L3MBTL4: variants seen among roughly 807,000 people sequenced by gnomAD.
The protein encoded by L3MBTL4 is L3MBTL histone methyl-lysine binding protein 4, also known as lethal(3)malignant brain tumor-like protein 4.
A neutral mutation model predicts 84.5 loss-of-function variants in L3MBTL4; 70 were observed. The observed-to-expected ratio is 0.83, with a 90% CI of 0.68 to 1.01. The LOEUF is 1.01. L3MBTL4 is among the 50% of genes least tolerant of loss of function. L3MBTL4 has a pLI of 0.00. For missense variants in L3MBTL4, 715 were observed against 754.8 expected (o/e 0.95, Z 0.62); for synonymous variants, 274 against 259.8 (o/e 1.05, Z -0.52).
rs754288404 is a variant in L3MBTL4, at chr18:6,239,779, C to T, written c.646G>A (p.Asp216Asn). ...ACTAGTAAGCGATCTTCAACAATAT[C>T]TGCTATGGTCGCCACACACACCAAG... ...PSLVCVATIA[D>N]IVEDRLLVHF... Residue 216 changes from aspartate to asparagine, a missense_variant, in exon 9 of 19, where the codon GAT (aspartate) becomes AAT (asparagine). Physicochemically the swap from Asp to Asn is conservative, Grantham distance 23. Coordinates refer to ENST00000317931, the MANE Select transcript of L3MBTL4 (RefSeq NM_001330559.2). 4 of 1,614,178 alleles carry T rather than the reference C, an allele frequency of 2.5e-6. No individual in the cohort carries two copies. Among genetic ancestry groups the T allele is most frequent in the Non-Finnish European group, 3.4e-6 (4 of 1,180,012 alleles).
chr18:6,004,357 G>T (rs585044), intron 16 of L3MBTL4, among the ~76,000 whole-genome samples: 77 of 152,192 alleles, frequency 5.1e-4, no homozygotes, highest in African/African-American at 1.8e-3. Context: ...TGGACCTATA[G>T]CTAGTTAGGA....
intron 13 of L3MBTL4, 77 bp downstream of exon 13, chr18:6,171,751 T>C: frequency 2.6e-6 from 2 of 778,632 alleles, no homozygotes; most frequent in South Asian, 1.8e-5. Flanking sequence ...ATGCCTGTAA[T>C]GGCATGAATA....
chr18:6,002,554 G>A (rs2054258294), intron 16 of L3MBTL4, among the ~76,000 whole-genome samples: 1 of 152,100 alleles, frequency 6.6e-6, no homozygotes, highest in African/African-American at 2.4e-5. Flanking sequence ...AAAGTAGTGA[G>A]AATGGAGCTA....
intron 12 of L3MBTL4, among the ~76,000 whole-genome samples, chr18:6,211,935 C>T (rs981268137): frequency 7.2e-5 from 11 of 152,198 alleles, no homozygotes; most frequent in African/African-American, 2.4e-4. Flanking sequence ...AGGCGTGAAC[C>T]ACTGTGCCCG....
chr18:6,112,985 G>A (rs1334062442), intron 14 of L3MBTL4, among the ~76,000 whole-genome samples: 1 of 152,108 alleles, frequency 6.6e-6, no homozygotes, highest in Non-Finnish European at 1.5e-5. Flanking sequence ...GAATGCACAT[G>A]GTAAGTGATG....
At chr18:6,176,107 T>C (rs2044214682) in intron 12 of L3MBTL4, among the ~76,000 whole-genome samples, 1 of 152,150 alleles carries the variant, frequency 6.6e-6, no homozygotes, top group Non-Finnish European at 1.5e-5. Flanking sequence ...CTCAATATTA[T>C]TATTGATATG....
chr18:6,186,567 G>C (rs2044776275), intron 12 of L3MBTL4, among the ~76,000 whole-genome samples: 1 of 152,192 alleles, frequency 6.6e-6, no homozygotes, highest in South Asian at 2.1e-4. Context: ...GACACAGTAA[G>C]CATGGGAAAG....
intron 16 of L3MBTL4, chr18:6,032,392 A>C (rs1228497580): frequency 1.7e-6 from 1 of 589,854 alleles, no homozygotes; most frequent in Non-Finnish European, 2.1e-6. Context: ...TGTTACACAC[A>C]CACACACACA....
At chr18:6,005,623 G>A (rs1457125365) in intron 16 of L3MBTL4, among the ~76,000 whole-genome samples, 2 of 152,168 alleles carry the variant, frequency 1.3e-5, no homozygotes, top group South Asian at 2.1e-4. Context: ...GTTCACTTAA[G>A]ATAATGGTGT....
Position 6,241,708 on chromosome 18 carries a change from T to C in L3MBTL4, c.461-259A>G, listed in dbSNP as rs543217239. ...TAAAATGTATTATGTGCAAAACTGTTGATAGTGCTTCCCCATCACGCGCAT... is the reference window on the plus strand; with the variant it reads ...TAAAATGTATTATGTGCAAAACTGTCGATAGTGCTTCCCCATCACGCGCAT... On this transcript the variant is annotated intron_variant, in intron 7 of 18. Transcript: ENST00000317931. Among the ~76,000 whole-genome samples, 4 of 152,312 alleles carry C rather than the reference T, an allele frequency of 2.6e-5. No individual in the cohort carries two copies. In the South Asian group the frequency reaches 8.3e-4, roughly 32 times the overall value.
intron 1 of L3MBTL4, among the ~76,000 whole-genome samples, chr18:6,343,658 T>C (rs1385970652): frequency 1.8e-5 from 2 of 108,344 alleles, no homozygotes; most frequent in African/African-American, 4.3e-5. Context: ...CGAGACACCA[T>C]ATCAAAAAAA....
At chr18:5,992,006 C>T (rs2053721058) in intron 16 of L3MBTL4, among the ~76,000 whole-genome samples, 1 of 151,870 alleles carries the variant, frequency 6.6e-6, no homozygotes, top group South Asian at 2.1e-4. Context: ...ATCCATCCAT[C>T]CATCCATCCA....
chr18:6,325,607 G>C (rs2051676157), intron 1 of L3MBTL4, among the ~76,000 whole-genome samples: 1 of 152,160 alleles, frequency 6.6e-6, no homozygotes. Flanking sequence ...ATACAGTAAA[G>C]ATTTTTTGAA....
chr18:6,126,790 GGGTAATTAATC>G, intron 14 of L3MBTL4, among the ~76,000 whole-genome samples: 1 of 152,152 alleles, frequency 6.6e-6, no homozygotes, highest in East Asian at 1.9e-4. Flanking sequence ...TTACTAAATT[GGGTAATTAATC>G]ATGTCACTTT....
rs562356987 is a variant in L3MBTL4 at position 6,103,991 on chromosome 18, T to A, written c.1200-10463A>T. On this transcript the variant is annotated intron_variant, in intron 14 of 18. Coordinates refer to ENST00000317931, the MANE Select transcript of L3MBTL4 (RefSeq NM_001330559.2). The stretch of plus-strand genomic sequence containing the variant: ...GCCCTCCCCACAACAAGCCATGCTC[T>A]GCGGAGTCCTGTGGGGCACTGCAAA... Among the ~76,000 whole-genome samples, 6 of 152,334 alleles carry A rather than the reference T, an allele frequency of 3.9e-5. No individual in the cohort carries two copies. In the South Asian group the frequency reaches 1.0e-3, roughly 26 times the overall value.
At chr18:6,403,300 C>T (rs2055587273) in intron 1 of L3MBTL4, among the ~76,000 whole-genome samples, 1 of 152,182 alleles carries the variant, frequency 6.6e-6, no homozygotes, top group African/African-American at 2.4e-5. Context: ...AAAGGCTTTA[C>T]TTTGTTTTGT....
At chr18:6,080,774 C>T (rs2058049347) in intron 16 of L3MBTL4, 107 bp downstream of exon 16, 7 of 804,490 alleles carry the variant, frequency 8.7e-6, no homozygotes, top group East Asian at 8.3e-5. Context: ...TAGTTAGGCT[C>T]TTTCTACCAT....
chr18:6,163,789 T>G (rs1490986052), intron 13 of L3MBTL4, among the ~76,000 whole-genome samples: 2 of 152,170 alleles, frequency 1.3e-5, no homozygotes, highest in Admixed American at 6.5e-5. Context: ...CATTTCCAAC[T>G]GAGGTACCGG....
intron 13 of L3MBTL4, among the ~76,000 whole-genome samples, chr18:6,170,353 G>C (rs2043907403): frequency 6.6e-6 from 1 of 152,142 alleles, no homozygotes; most frequent in Admixed American, 6.6e-5. Flanking sequence ...AAGATGCACT[G>C]GGGGTCAAAG....
Sources: gnomAD v4.1 joint callset for allele counts (sites outside exome capture counted in the v4.1 genomes callset) on GRCh38, gnomAD v4.1.1 for gene constraint, MANE v1.5 for transcripts, NCBI Gene and HGNC (gene_info 2026-07-23, HGNC 2026-07-21) for gene names.